The following SPTA1 variants were observed in gnomAD, a reference collection of about 807,000 sequenced individuals.
SPTA1 encodes the protein spectrin alpha, erythrocytic 1.
In SPTA1, 177 loss-of-function variants were observed where a neutral mutation model predicts 324.7. The observed-to-expected ratio is 0.55, with a 90% CI of 0.48 to 0.62. SPTA1 has a LOEUF of 0.62. SPTA1 is among the 20% of genes least tolerant of loss of function. The pLI, the probability that SPTA1 is intolerant of heterozygous loss-of-function variation, is 0.00. For synonymous variants in SPTA1, 1,195 were observed against 1,041.3 expected (o/e 1.15, Z -2.84); for missense variants, 3,162 against 2,883.6 (o/e 1.10, Z -2.21).
chr1:158,635,011 A>G (rs144390773), intron 38 of SPTA1, among the ~76,000 whole-genome samples: 210 of 152,244 alleles, frequency 1.4e-3, no homozygotes, highest in African/African-American at 4.9e-3. Flanking sequence ...GTCTCTTTCT[A>G]CTCTGAGCAC....
At chr1:158,674,477 C>T in intron 9 of SPTA1, 47 bp from the exon 10 acceptor site, 1 of 1,614,030 alleles carries the variant, frequency 6.2e-7, no homozygotes, top group Non-Finnish European at 8.5e-7. Flanking sequence ...AGAAACCTGG[C>T]ATTTCTGGCA....
In SPTA1 at chr1:158,659,970, G is replaced by A. The variant is rs531190212; in HGVS notation, c.2587+1317C>T. Among the ~76,000 whole-genome samples the A allele has an allele frequency of 1.7e-3, 259 of 152,092 alleles. 1 individual carries two copies. Among genetic ancestry groups the A allele is most frequent in the Non-Finnish European group, 2.3e-3 (156 of 68,000 alleles). On this transcript the variant is annotated intron_variant, in intron 18 of 51. Coordinates refer to ENST00000643759, the MANE Select transcript of SPTA1 (RefSeq NM_003126.4). ...GTGAATCCACTAAGAGTGTGTCAGA[G>A]ACCCTAAAAGGACTCCAAATCACAA...
chr1:158,673,398 C>T (rs1654164639), intron 10 of SPTA1, among the ~76,000 whole-genome samples: 2 of 152,112 alleles, frequency 1.3e-5, no homozygotes, highest in Admixed American at 6.6e-5. Flanking sequence ...GACTCTGCCA[C>T]TGGTGCAAAA....
intron 29 of SPTA1, among the ~76,000 whole-genome samples, chr1:158,644,959 A>T (rs879439865): frequency 5.3e-5 from 8 of 152,212 alleles, no homozygotes; most frequent in African/African-American, 7.2e-5. Context: ...AACCCACCTC[A>T]TGCTCAGGAC....
Position 158,636,867 on chromosome 1 carries a change from G to T in SPTA1, c.5190-106C>A, listed in dbSNP as rs1007721459. On this transcript the variant is annotated intron_variant, in intron 36 of 51. Transcript: ENST00000643759. ...TGTGTGGCTGGTGGTGAGGGAGGTGGTTGTAAATTCTGTAATACCCTGGTG... is the reference window on the plus strand; with the variant it reads ...TGTGTGGCTGGTGGTGAGGGAGGTGTTTGTAAATTCTGTAATACCCTGGTG... 6.9e-6 allele frequency: 11 copies of T among 1,592,930 alleles called. No individual in the cohort carries two copies. The African/African-American group carries it at 1.2e-4, about 17-fold the overall frequency.
At chr1:158,659,933 T>C (rs1653098776) in intron 18 of SPTA1, among the ~76,000 whole-genome samples, 1 of 152,066 alleles carries the variant, frequency 6.6e-6, no homozygotes, top group Admixed American at 6.6e-5. Flanking sequence ...ATTATGAAAA[T>C]ATTTTAACTT....
rs771955224 is a variant in SPTA1, at chr1:158,680,573, C to A, written c.678+10G>T. 2 of 1,613,520 alleles carry A rather than the reference C, an allele frequency of 1.2e-6. No individual in the cohort carries two copies. Reference sequence around the variant, plus strand: ...CTTTGCACGGAGTGAATATTTTGCTCCCACCTCACCTCGGCACACTCATTG... The same window carrying A: ...CTTTGCACGGAGTGAATATTTTGCTACCACCTCACCTCGGCACACTCATTG... On this transcript the variant is annotated intron_variant, in intron 5 of 51. Coordinates refer to ENST00000643759, the MANE Select transcript of SPTA1 (RefSeq NM_003126.4).
rs1161656230 is a variant in SPTA1, at chr1:158,669,493, A to G, written c.1748T>C (p.Leu583Pro). The G allele has an allele frequency of 6.2e-7, 1 of 1,614,062 alleles. No homozygotes were observed. Among genetic ancestry groups the G allele is most frequent in the East Asian group, 2.2e-5 (1 of 44,890 alleles). ...TRRRLLKESL[L>P]LQKLYEDSDD... ...TGAGTCCTCATACAGTTTTTGCAGAAGCAATGACTCCTTCAGCAATCTACG... is the reference window on the plus strand; with the variant it reads ...TGAGTCCTCATACAGTTTTTGCAGAGGCAATGACTCCTTCAGCAATCTACG... Residue 583 changes from leucine to proline, a missense_variant, in exon 14 of 52, where the codon CTT becomes CCT. Transcript: ENST00000643759.
At chr1:158,628,293 A>T (rs1650416113) in intron 39 of SPTA1, among the ~76,000 whole-genome samples, 1 of 152,100 alleles carries the variant, frequency 6.6e-6, no homozygotes, top group African/African-American at 2.4e-5. Context: ...AGAAATATCT[A>T]TAAAAGCCCA....
chr1:158,672,528 G>A lies in SPTA1; in HGVS notation c.1351-332C>T, dbSNP rs6670294. ...TGGGTATCAGGACTTAATGCCATAA[G>A]CAAATGAACTGCAAATAATTTTTAG... On this transcript the variant is annotated intron_variant, in intron 10 of 51. Coordinates refer to ENST00000643759, the MANE Select transcript of SPTA1 (RefSeq NM_003126.4). 7.6e-3 allele frequency among the ~76,000 whole-genome samples: 1,153 copies of A among 152,230 alleles called. 13 individuals are homozygous for A. Among genetic ancestry groups the A allele is most frequent in the African/African-American group, 0.026 (1,096 of 41,536 alleles).
intron 36 of SPTA1, among the ~76,000 whole-genome samples, chr1:158,637,397 G>C (rs189773803): frequency 2.6e-5 from 4 of 152,190 alleles, no homozygotes; most frequent in Non-Finnish European, 1.5e-5. Flanking sequence ...GAAGAGAAGC[G>C]TGATGAGGCA....
Position 158,676,240 on chromosome 1 carries a change from G to A in SPTA1, c.1013C>T (p.Ala338Val), listed in dbSNP as rs1654385556. 6.2e-7 allele frequency: 1 copy of A among 1,613,740 alleles called. No homozygotes were observed. Residue 338 changes from alanine (A) to valine (V), a missense_variant, in exon 8 of 52, where the codon GCA becomes GTA. By Grantham distance (64) the Ala-to-Val change is moderately conservative. Transcript: ENST00000643759. ...TTCTTTCATCTCCTGGATCTGAGGT[G>A]CATCTGAAGGATGGGAAAGTGTCAG... The part of the protein sequence containing the change: ...EKLTLSHPSD[A>V]PQIQEMKEDL...
chr1:158,658,548 G>A (rs967063308), intron 18 of SPTA1, among the ~76,000 whole-genome samples: 1 of 152,178 alleles, frequency 6.6e-6, no homozygotes, highest in Admixed American at 6.5e-5. Context: ...AGGGTCCTCA[G>A]AAGAGTAACA....
intron 37 of SPTA1, 92 bp from the exon 38 acceptor site, chr1:158,636,126 C>T (rs1571411885): frequency 6.2e-7 from 1 of 1,606,622 alleles, no homozygotes; most frequent in East Asian, 2.2e-5. Context: ...CCATCCTACC[C>T]TCCAGATTAT....
At chr1:158,649,359 T>C (rs1402186160) in intron 25 of SPTA1, among the ~76,000 whole-genome samples, 1 of 152,220 alleles carries the variant, frequency 6.6e-6, no homozygotes, top group Non-Finnish European at 1.5e-5. Flanking sequence ...AGGCTCACTG[T>C]AGCCTCAGCC....
At chr1:158,624,209 G>A (rs542099568) in intron 42 of SPTA1, among the ~76,000 whole-genome samples, 23 of 152,284 alleles carry the variant, frequency 1.5e-4, no homozygotes, top group African/African-American at 3.6e-4. Context: ...TGGAACACCC[G>A]CCCCTGACAG....
At position 158,611,408 on chromosome 1, in the gene SPTA1, G is replaced by A. The variant is rs1447369859; in HGVS notation, c.7135-19C>T. On this transcript the variant is annotated intron_variant, in intron 51 of 51. Coordinates refer to ENST00000643759, the MANE Select transcript of SPTA1 (RefSeq NM_003126.4). ...TAAGGGCCTGAAAAGTATAAAAAGA[G>A]AAAAATACAGTTATAGGGATTCAAA... The A allele has an allele frequency of 6.2e-7, 1 of 1,612,900 alleles. No homozygotes were observed. Among genetic ancestry groups the A allele is most frequent in the East Asian group, 2.2e-5 (1 of 44,844 alleles).
At position 158,615,423 on chromosome 1, in the gene SPTA1, G is replaced by A. The variant is rs1649498004; in HGVS notation, c.6601-20C>T. 1 of 1,613,494 alleles carries A rather than the reference G, an allele frequency of 6.2e-7. No individual in the cohort carries two copies. Among genetic ancestry groups the A allele is most frequent in the Non-Finnish European group, 8.5e-7 (1 of 1,179,608 alleles). ...TTTTCTCTGGAAAAACGACAGAGAA[G>A]AGAGACAATTAGTTGCCCAGGTTAC... On this transcript the variant is annotated intron_variant, in intron 47 of 51. Transcript: ENST00000643759.
At chr1:158,642,063 A>G (rs919391169) in intron 33 of SPTA1, among the ~76,000 whole-genome samples, 2 of 152,132 alleles carry the variant, frequency 1.3e-5, no homozygotes, top group African/African-American at 4.8e-5. Context: ...ACAAGGACAA[A>G]AAACCAAACA....
Sources: allele counts gnomAD v4.1 joint callset (sites outside exome capture counted in the v4.1 genomes callset), GRCh38; gene constraint gnomAD v4.1.1; transcripts MANE v1.5; gene names NCBI Gene and HGNC (gene_info 2026-07-23, HGNC 2026-07-21).